Variants in SFTPD observed in about 807,000 individuals in gnomAD.
SFTPD encodes pulmonary surfactant-associated protein D.
Under a neutral mutation model 34.6 loss-of-function variants are expected in SFTPD, and 18 were observed. The observed-to-expected ratio is 0.52, with a 90% CI of 0.36 to 0.77. The LOEUF (loss-of-function observed/expected upper bound fraction) is 0.77. Ranked by LOEUF, SFTPD falls within the 30% of genes least tolerant of loss-of-function variation. The pLI, the probability that SFTPD is intolerant of heterozygous loss-of-function variation, is 0.00. For missense variants in SFTPD, 433 were observed against 468.9 expected (o/e 0.92, Z 0.71); for synonymous variants, 155 against 180.9 (o/e 0.86, Z 1.15).
chr10:79,969,515 C>T (rs1842823978), intron 1 of SFTPD: 1 of 151,720 alleles, frequency 6.6e-6, no homozygotes, highest in Non-Finnish European at 1.5e-5. Context: ...TTATCAGATG[C>T]GTAGTTCGTG....
chr10:79,939,598 A>T (rs1007648016), intron 7 of SFTPD, among the ~76,000 whole-genome samples: 3 of 152,312 alleles, frequency 2.0e-5, no homozygotes, highest in Non-Finnish European at 4.4e-5. Flanking sequence ...TTAAGTGCAC[A>T]CACATGCAGT....
At chr10:79,958,689 A>G (rs948730165) in intron 1 of SFTPD, among the ~76,000 whole-genome samples, 16 of 152,334 alleles carry the variant, frequency 1.1e-4, no homozygotes, top group African/African-American at 3.8e-4. Flanking sequence ...CCACACAATA[A>G]TAATGGGAGA....
chr10:79,941,430 T>A lies in SFTPD; in HGVS notation c.635A>T (p.Asp212Val). The A allele has an allele frequency of 6.2e-7, 1 of 1,614,050 alleles. No individual in the cohort carries two copies. The highest frequency in any genetic ancestry group is 8.5e-7 in the Non-Finnish European group (1 of 1,179,952). ...GLKGDKGIPGDKGAKGESGLP... is the reference protein window; with the variant it reads ...GLKGDKGIPGVKGAKGESGLP... ...CCCACTTTCTCCCTTTGCTCCTTTG[T>A]CTCCAGGAATGCCTTTGTCCCCCTT... is the stretch of plus-strand genomic sequence containing the variant. Residue 212 changes from aspartate to valine, a missense_variant, in exon 6 of 8, where the codon GAC becomes GTC. Asp to Val is a radical substitution (Grantham distance 152). Transcript: ENST00000372292.
chr10:79,974,688 C>T (rs1336864826), intron 1 of SFTPD, among the ~76,000 whole-genome samples: 1 of 152,254 alleles, frequency 6.6e-6, no homozygotes, highest in African/African-American at 2.4e-5. Flanking sequence ...CCCGTCACCT[C>T]TCCTCATCAC....
intron 1 of SFTPD, among the ~76,000 whole-genome samples, chr10:79,958,826 AT>A (rs1326656443): frequency 6.6e-6 from 1 of 152,144 alleles, no homozygotes; most frequent in Non-Finnish European, 1.5e-5. Context: ...TCCACCCCAA[AT>A]CAACAGAATA....
At chr10:79,972,948 G>A (rs1842843718) in intron 1 of SFTPD, 1 of 152,148 alleles carries the variant, frequency 6.6e-6, no homozygotes, top group South Asian at 2.1e-4. Flanking sequence ...AATGGGAACT[G>A]GAAGTTACTT....
chr10:79,965,168 C>T (rs1380780371), intron 1 of SFTPD, among the ~76,000 whole-genome samples: 3 of 152,122 alleles, frequency 2.0e-5, no homozygotes, highest in African/African-American at 7.2e-5. Flanking sequence ...AAAAACTCAC[C>T]AACCAAGCTG....
chr10:79,969,473 C>CAAAAAAAAAAAAAAAAAAAA (rs1361366440), intron 1 of SFTPD: 5 of 147,848 alleles, frequency 3.4e-5, no homozygotes, highest in African/African-American at 1.3e-4. Flanking sequence ...AACTCCGTCT[C>CAAAAAAAAAAAAAAAAAAAA]AAAAGAAAAA....
At chr10:79,942,904 A>G in intron 2 of SFTPD, 25 bp from the exon 3 acceptor site, 2 of 1,502,328 alleles carry the variant, frequency 1.3e-6, no homozygotes, top group Non-Finnish European at 9.3e-7. Flanking sequence ...GAAATGGACA[A>G]AGACCTGGCC....
chr10:79,964,668 C>T (rs1378952822), intron 1 of SFTPD, among the ~76,000 whole-genome samples: 1 of 152,154 alleles, frequency 6.6e-6, no homozygotes, highest in Non-Finnish European at 1.5e-5. Flanking sequence ...GAAATCTATC[C>T]TCAAAATATC....
chr10:79,976,003 A>G (rs922566211), intron 1 of SFTPD, among the ~76,000 whole-genome samples: 7 of 152,200 alleles, frequency 4.6e-5, no homozygotes, highest in Non-Finnish European at 8.8e-5. Context: ...TATCATGAAC[A>G]TGTTACAGTG....
In SFTPD at chr10:79,957,526, G is replaced by A. The variant is rs538408716; in HGVS notation, c.37-10864C>T. Reference sequence around the variant, plus strand: ...ATGCAGAAGCCTCAGGAGCTGATGCGATCAACTGGAAGAAAGGGTATCAGT... The same window carrying A: ...ATGCAGAAGCCTCAGGAGCTGATGCAATCAACTGGAAGAAAGGGTATCAGT... On this transcript the variant is annotated intron_variant, in intron 1 of 5. Transcript: ENST00000444384. Among the ~76,000 whole-genome samples, 10 of 152,230 alleles carry A rather than the reference G, an allele frequency of 6.6e-5. No homozygotes were observed. In the South Asian group the frequency reaches 1.7e-3, roughly 25 times the overall value.
chr10:79,969,255 C>G (rs1842821571), intron 1 of SFTPD: 1 of 152,262 alleles, frequency 6.6e-6, no homozygotes, highest in Admixed American at 6.5e-5. Flanking sequence ...GCCTGTGGAT[C>G]ACAAGGTCAG....
chr10:79,981,279 AG>A (rs1842888339), intron 1 of SFTPD, among the ~76,000 whole-genome samples: 1 of 152,166 alleles, frequency 6.6e-6, no homozygotes, highest in Non-Finnish European at 1.5e-5. Flanking sequence ...GAAAATACAC[AG>A]GGGAGTCAAA....
chr10:79,981,433 G>GA (rs1488529761), intron 1 of SFTPD, among the ~76,000 whole-genome samples: 2 of 152,214 alleles, frequency 1.3e-5, no homozygotes, highest in African/African-American at 4.8e-5. Context: ...CAAACCTAGA[G>GA]AAAAATATCA....
chr10:79,981,888 G>A (rs947197850), intron 1 of SFTPD: 4 of 262,624 alleles, frequency 1.5e-5, no homozygotes, highest in Non-Finnish European at 2.9e-5. Flanking sequence ...CACCTGAGCC[G>A]CCTCTTCCTG....
intron 6 of SFTPD, among the ~76,000 whole-genome samples, chr10:79,941,124 C>A (rs1372139020): frequency 6.6e-6 from 1 of 152,194 alleles, no homozygotes; most frequent in African/African-American, 2.4e-5. Context: ...GTTTTTAATG[C>A]CCAAAACTGT....
At chr10:79,977,984 T>C (rs1445976017) in intron 1 of SFTPD, among the ~76,000 whole-genome samples, 2 of 152,228 alleles carry the variant, frequency 1.3e-5, no homozygotes. Context: ...AAGAATTTCT[T>C]GACTTACCCT....
intron 1 of SFTPD, among the ~76,000 whole-genome samples, chr10:79,959,889 A>C (rs1842762256): frequency 6.6e-6 from 1 of 152,084 alleles, no homozygotes; most frequent in African/African-American, 2.4e-5. Context: ...TGATGCAAAA[A>C]TCCTCAATAA....
Sources: gnomAD v4.1 joint callset for allele counts (sites outside exome capture counted in the v4.1 genomes callset) on GRCh38, gnomAD v4.1.1 for gene constraint, MANE v1.5 for transcripts, NCBI Gene and HGNC (gene_info 2026-07-23, HGNC 2026-07-21) for gene names.